Variants in GXYLT2 observed in about 807,000 individuals in gnomAD.
GXYLT2 encodes the protein glucoside xylosyltransferase 2, also known as glycosyltransferase 8 domain containing 4.
GXYLT2 carries 53 observed loss-of-function variants against 45.8 expected under a neutral mutation model. The ratio of observed to expected loss-of-function variants is 1.16; its 90% confidence interval spans 0.93 to 1.46. The LOEUF (loss-of-function observed/expected upper bound fraction) is 1.46. Among genes scored for constraint, GXYLT2 ranks in the 40% most tolerant of loss-of-function variants. The pLI, the probability that GXYLT2 is intolerant of heterozygous loss-of-function variation, is 0.00. For missense variants in GXYLT2, 551 were observed against 544.4 expected (o/e 1.01, Z -0.12); for synonymous variants, 219 against 214.2 (o/e 1.02, Z -0.19).
At chr3:72,965,867 A>G (rs2107153498) in intron 5 of GXYLT2, among the ~76,000 whole-genome samples, 1 of 152,368 alleles carries the variant, frequency 6.6e-6, no homozygotes, top group African/African-American at 2.4e-5. Context: ...ACACCTGTGT[A>G]CATATGTGCA....
chr3:72,969,211 A>G (rs1710936990), intron 6 of GXYLT2, among the ~76,000 whole-genome samples: 1 of 151,866 alleles, frequency 6.6e-6, no homozygotes, highest in African/African-American at 2.4e-5. Context: ...CAAGAAAACT[A>G]CAACATAGTA....
At chr3:72,946,387 G>A (rs543138100) in intron 3 of GXYLT2, among the ~76,000 whole-genome samples, 1 of 151,714 alleles carries the variant, frequency 6.6e-6, no homozygotes, top group East Asian at 1.9e-4. Flanking sequence ...CATCCCAGTC[G>A]TAGAGAAGAC....
chr3:72,937,879 A>G (rs1454020835), intron 3 of GXYLT2, among the ~76,000 whole-genome samples: 8 of 152,102 alleles, frequency 5.3e-5, no homozygotes, highest in South Asian at 2.1e-4. Flanking sequence ...TCCATATCCT[A>G]CCATCTTCAA....
At chr3:72,908,623 G>T (rs1709555055) in intron 2 of GXYLT2, 64 bp downstream of exon 2, 5 of 1,269,938 alleles carry the variant, frequency 3.9e-6, no homozygotes, top group Non-Finnish European at 5.5e-6. Flanking sequence ...TTTAGGAACT[G>T]CATATTCTGT....
chr3:72,940,124 C>T (rs1447083006), intron 3 of GXYLT2, among the ~76,000 whole-genome samples: 1 of 152,154 alleles, frequency 6.6e-6, no homozygotes, highest in Non-Finnish European at 1.5e-5. Context: ...TGTCACTGTA[C>T]TCCAGCCTGG....
chr3:72,974,807 G>C (rs1184573955), intron 6 of GXYLT2, among the ~76,000 whole-genome samples, 170 bp from the exon 7 acceptor site: 1 of 152,098 alleles, frequency 6.6e-6, no homozygotes, highest in Non-Finnish European at 1.5e-5. Context: ...ATTACCTGGG[G>C]TTGCACAGCT....
chr3:72,956,985 G>A (rs1317053856), intron 4 of GXYLT2, among the ~76,000 whole-genome samples: 2 of 148,526 alleles, frequency 1.3e-5, no homozygotes, highest in African/African-American at 5.0e-5. Flanking sequence ...ATGGTTTTCT[G>A]AGTAGAAACC....
chr3:72,935,248 C>T (rs923483547), intron 3 of GXYLT2, among the ~76,000 whole-genome samples: 2 of 152,070 alleles, frequency 1.3e-5, no homozygotes, highest in African/African-American at 4.8e-5. Context: ...ACCTCTTGTA[C>T]ATTAAAAGTA....
intron 1 of GXYLT2, among the ~76,000 whole-genome samples, chr3:72,906,479 A>T (rs767287715): frequency 5.3e-5 from 8 of 152,156 alleles, no homozygotes; most frequent in African/African-American, 1.9e-4. Flanking sequence ...CCTTCATAGT[A>T]CTTATTACTG....
chr3:72,972,510 A>G (rs1334495428), intron 6 of GXYLT2, among the ~76,000 whole-genome samples: 1 of 151,636 alleles, frequency 6.6e-6, no homozygotes, highest in South Asian at 2.1e-4. Context: ...GCGTGGTGGC[A>G]GGCACCTGTA....
chr3:72,935,341 G>C (rs777994299), intron 3 of GXYLT2, among the ~76,000 whole-genome samples: 1 of 152,064 alleles, frequency 6.6e-6, no homozygotes, highest in Non-Finnish European at 1.5e-5. Flanking sequence ...TAAATAGAAG[G>C]AGAATAGCAA....
At chr3:72,950,248 G>C (rs1236522408) in intron 3 of GXYLT2, among the ~76,000 whole-genome samples, 6 of 151,988 alleles carry the variant, frequency 3.9e-5, no homozygotes, top group African/African-American at 1.4e-4. Flanking sequence ...ATCACTTGAG[G>C]TCAGGAGTTC....
intron 2 of GXYLT2, among the ~76,000 whole-genome samples, chr3:72,917,560 C>T (rs1709764148): frequency 6.6e-6 from 1 of 151,820 alleles, no homozygotes; most frequent in Non-Finnish European, 1.5e-5. Context: ...GTTTATATCC[C>T]AGCCTGGGCA....
rs565954608 is a variant in GXYLT2, at chr3:72,894,412, C to T, written c.275+5904C>T. ...AGCATCCACCACACCCTAGAGCAGC[C>T]GTTATGTGCACTTGACTTTATCAAA... On this transcript the variant is annotated intron_variant, in intron 1 of 6. Coordinates refer to ENST00000389617, the MANE Select transcript of GXYLT2 (RefSeq NM_001080393.2). Among the ~76,000 whole-genome samples the T allele has an allele frequency of 4.6e-5, 7 of 152,290 alleles. No individual in the cohort carries two copies. The East Asian group carries it at 5.8e-4, about 13-fold the overall frequency.
intron 1 of GXYLT2, among the ~76,000 whole-genome samples, chr3:72,893,391 G>A (rs184845179): frequency 3.1e-4 from 47 of 152,200 alleles, no homozygotes; most frequent in African/African-American, 1.1e-3. Flanking sequence ...TTTTTTTCAG[G>A]ACTATGCTCA....
chr3:72,929,567 C>A, intron 3 of GXYLT2: 2 of 1,127,426 alleles, frequency 1.8e-6, no homozygotes, highest in Non-Finnish European at 1.3e-6. Flanking sequence ...TTGACAAGCA[C>A]ACGCTGGGAG....
At chr3:72,905,064 CA>C (rs1177216917) in intron 1 of GXYLT2, among the ~76,000 whole-genome samples, 2,951 of 36,332 alleles carry the variant, frequency 0.081, 17 homozygotes, top group African/African-American at 0.13. Flanking sequence ...GATTCTGTCT[CA>C]AAAAAAAAAA....
At chr3:72,944,841 G>A (rs1356964196) in intron 3 of GXYLT2, among the ~76,000 whole-genome samples, 1 of 152,050 alleles carries the variant, frequency 6.6e-6, no homozygotes, top group Non-Finnish European at 1.5e-5. Context: ...TGCATGAGAG[G>A]TAAGGAAGTG....
chr3:72,906,745 C>T (rs998113194), intron 1 of GXYLT2, among the ~76,000 whole-genome samples: 10 of 152,130 alleles, frequency 6.6e-5, no homozygotes, highest in Non-Finnish European at 8.8e-5. Flanking sequence ...AATGTATGTG[C>T]CAAGACCTGG....
Sources: gnomAD v4.1 joint callset for allele counts (sites outside exome capture counted in the v4.1 genomes callset) on GRCh38, gnomAD v4.1.1 for gene constraint, MANE v1.5 for transcripts, NCBI Gene and HGNC (gene_info 2026-07-23, HGNC 2026-07-21) for gene names.